Variants in ZSCAN2 observed in about 807,000 individuals in gnomAD.
The protein encoded by ZSCAN2 is zinc finger and SCAN domain-containing protein 2.
ZSCAN2 carries 26 observed loss-of-function variants against 47.8 expected under a neutral mutation model. The ratio of observed to expected loss-of-function variants is 0.54; its 90% CI spans 0.40 to 0.75. The LOEUF is 0.75. ZSCAN2 is among the 30% of genes least tolerant of loss of function. The pLI is 0.00. For synonymous variants in ZSCAN2, 305 were observed against 288.7 expected (o/e 1.06, Z -0.57); for missense variants, 732 against 785.4 (o/e 0.93, Z 0.81).
At position 84,603,983 on chromosome 15, in the gene ZSCAN2, T is replaced by G. The variant is rs1432288414; in HGVS notation, c.56T>G (p.Val19Gly). 6.2e-7 allele frequency: 1 copy of G among 1,613,800 alleles called. No homozygotes were observed. Among genetic ancestry groups the G allele is most frequent in the South Asian group, 1.1e-5 (1 of 91,058 alleles). The change falls in exon 2 of 3, where the codon GTG (valine) becomes GGG (glycine). Residue 19 changes from valine to glycine, a missense_variant. Transcript: ENST00000546148. ...VTTPLSSLVQVPQEEDRQEEE... is the reference protein window; with the variant it reads ...VTTPLSSLVQGPQEEDRQEEE... ...ACTCCGCTGAGCTCCTTGGTCCAGG[T>G]GCCTCAAGAGGAAGATAGACAGGAG...
At chr15:84,609,002 C>T (rs779441474) in intron 2 of ZSCAN2, among the ~76,000 whole-genome samples, 1 of 152,222 alleles carries the variant, frequency 6.6e-6, no homozygotes, top group Non-Finnish European at 1.5e-5. Flanking sequence ...TTCAAGCCTA[C>T]TCTTGTCCAA....
chr15:84,616,121 C>T (rs1895686099), intron 2 of ZSCAN2, among the ~76,000 whole-genome samples: 1 of 152,092 alleles, frequency 6.6e-6, no homozygotes, highest in Admixed American at 6.6e-5. Context: ...CCTGTAATTC[C>T]AGCTTGTCAG....
intron 2 of ZSCAN2, among the ~76,000 whole-genome samples, chr15:84,610,277 C>T (rs923313873): frequency 6.6e-6 from 1 of 152,060 alleles, no homozygotes; most frequent in Non-Finnish European, 1.5e-5. Flanking sequence ...AAAATAGGTC[C>T]CAGATGGATT....
intron 1 of ZSCAN2, among the ~76,000 whole-genome samples, chr15:84,602,737 C>G (rs901964575): frequency 1.3e-5 from 2 of 151,886 alleles, no homozygotes; most frequent in Admixed American, 6.6e-5. Context: ...TACAGGCGCC[C>G]GTCACCATGC....
intron 1 of ZSCAN2, 35 bp from the exon 2 acceptor site, chr15:84,603,785 A>G: frequency 2.0e-6 from 2 of 995,514 alleles, no homozygotes; most frequent in Non-Finnish European, 2.9e-6. Context: ...AGGACAGTCT[A>G]CCTATGGATT....
Position 84,604,264 on chromosome 15 carries a change from C to G in ZSCAN2, c.337C>G (p.His113Asp). ...PKEIQAWLQE[H>D]RPESSEEAAA... ...GGAAATTCAGGCTTGGCTGCAAGAG[C>G]ATCGGCCTGAAAGCAGTGAGGAGGC... The change falls in exon 2 of 3, where the codon CAT becomes GAT. Residue 113 changes from histidine (H) to aspartate (D), a missense_variant. His to Asp is a moderately conservative substitution (Grantham distance 81). This residue lies in a region of ZSCAN2 where 320 missense variants were observed against 287.4 expected (regional missense o/e 1.11). Transcript: ENST00000546148. The G allele has an allele frequency of 6.2e-7, 1 of 1,614,118 alleles. No homozygotes were observed. Among genetic ancestry groups the G allele is most frequent in the South Asian group, 1.1e-5 (1 of 91,076 alleles).
rs1895840639 is a variant in ZSCAN2, at chr15:84,622,623, G to T, written c.*583G>T. 1 of 717,376 alleles carries T rather than the reference G, an allele frequency of 1.4e-6. No individual in the cohort carries two copies. The highest frequency in any genetic ancestry group is 2.6e-6 in the Non-Finnish European group (1 of 385,102). The allele number at this position is 717,376 out of a possible 1,614,324, so 44.4% of individuals were successfully genotyped here. A position where few individuals can be genotyped will look rare whatever the true frequency, so the allele number is the denominator to read the frequency against. On this transcript the variant is annotated 3_prime_UTR_variant, in exon 3 of 3. Transcript: ENST00000546148. The stretch of plus-strand genomic sequence containing the variant: ...CCAGTTCTGAGTCACCCACGTGAAG[G>T]TAAAGACCCTTTCTATTTCCAGAAA...
chr15:84,618,141 A>G (rs1895736683), intron 2 of ZSCAN2, among the ~76,000 whole-genome samples: 1 of 152,174 alleles, frequency 6.6e-6, no homozygotes, highest in East Asian at 1.9e-4. Flanking sequence ...TAGGAGTTCG[A>G]GCGCGATAGC....
intron 2 of ZSCAN2, among the ~76,000 whole-genome samples, chr15:84,612,683 C>T (rs769834206): frequency 4.0e-5 from 6 of 151,750 alleles, no homozygotes; most frequent in Non-Finnish European, 5.9e-5. Flanking sequence ...TGCAGTGAGC[C>T]GAGATCATGC....
Position 84,603,896 on chromosome 15 carries a change from T to C in ZSCAN2, c.-32T>C, listed in dbSNP as rs1317864028. 6.3e-7 allele frequency: 1 copy of C among 1,590,022 alleles called. No homozygotes were observed. The highest frequency in any genetic ancestry group is 8.6e-7 in the Non-Finnish European group (1 of 1,164,828). ...GCTGGAGAAGACTGAGGTCCAAGGC[T>C]TGAAGCCTAAGTGATTGCCCCAGGA... On this transcript the variant is annotated 5_prime_UTR_variant, in exon 2 of 3. Transcript: ENST00000546148.
chr15:84,622,321 G>A lies in ZSCAN2; in HGVS notation c.*281G>A. On this transcript the variant is annotated 3_prime_UTR_variant, in exon 3 of 3. Coordinates refer to ENST00000546148, the MANE Select transcript of ZSCAN2 (RefSeq NM_181877.4). Reference sequence around the variant, plus strand: ...ATTGGCCCCCTCTCATGATTCCTCTGTGCCTCAGTTTCCTCTTTGGTAAAA... The same window carrying A: ...ATTGGCCCCCTCTCATGATTCCTCTATGCCTCAGTTTCCTCTTTGGTAAAA... 1.7e-6 allele frequency: 1 copy of A among 575,736 alleles called. No homozygotes were observed. Among genetic ancestry groups the A allele is most frequent in the South Asian group, 2.3e-5 (1 of 43,074 alleles). The allele number at this position is 575,736 out of a possible 1,614,324, so 35.7% of individuals were successfully genotyped here. A position where few individuals can be genotyped will look rare whatever the true frequency, so the allele number is the denominator to read the frequency against.
intron 2 of ZSCAN2, among the ~76,000 whole-genome samples, chr15:84,615,168 C>G (rs1350703743): frequency 6.6e-6 from 1 of 152,134 alleles, no homozygotes; most frequent in Non-Finnish European, 1.5e-5. Context: ...ATTGGCCAGG[C>G]TGATCGTGAA....
intron 1 of ZSCAN2, among the ~76,000 whole-genome samples, chr15:84,603,314 C>A (rs1394157948): frequency 6.6e-6 from 1 of 151,570 alleles, no homozygotes; most frequent in Admixed American, 6.6e-5. Flanking sequence ...ATTTCTGATA[C>A]TCATTCTTTG....
chr15:84,622,602 TTC>T lies in ZSCAN2; in HGVS notation c.*564_*565del, dbSNP rs1034553811. 1 of 717,322 alleles carries T rather than the reference TTC, an allele frequency of 1.4e-6. No homozygotes were observed. The highest frequency in any genetic ancestry group is 1.7e-5 in the African/African-American group (1 of 57,250). The allele number at this position is 717,322 out of a possible 1,614,324, so 44.4% of individuals were successfully genotyped here. On this transcript the variant is annotated 3_prime_UTR_variant, in exon 3 of 3. Coordinates refer to ENST00000546148, the MANE Select transcript of ZSCAN2 (RefSeq NM_181877.4). ...GGTCAAGATGGAGGGGCTTCTCCAG[TTC>T]TGAGTCACCCACGTGAAGGTAAAGA...
intron 2 of ZSCAN2, chr15:84,614,328 T>G (rs1356681884): frequency 6.6e-6 from 1 of 152,160 alleles, no homozygotes; most frequent in Admixed American, 6.5e-5. Context: ...GCTGCATGCT[T>G]TACCAGTTTT....
At chr15:84,606,399 A>G (rs1244312276) in intron 2 of ZSCAN2, 22 of 729,812 alleles carry the variant, frequency 3.0e-5, no homozygotes, top group Non-Finnish European at 4.8e-5. Context: ...TCAAACCCAG[A>G]CCTGTCTCTT....
Position 84,622,114 on chromosome 15 carries a change from C to T in ZSCAN2, c.*74C>T. ...CACTGCCCCAACAGTGATTCCCTTT[C>T]AAAGAGCTGTGCTTCCTAAACATTC... On this transcript the variant is annotated 3_prime_UTR_variant, in exon 3 of 3. Coordinates refer to ENST00000546148, the MANE Select transcript of ZSCAN2 (RefSeq NM_181877.4). The T allele has an allele frequency of 7.7e-7, 1 of 1,299,640 alleles. No individual in the cohort carries two copies. Among genetic ancestry groups the T allele is most frequent in the African/African-American group, 1.5e-5 (1 of 67,620 alleles). 80.5% of individuals were successfully genotyped at this position (1,299,640 alleles called of 1,614,324 possible).
At position 84,621,507 on chromosome 15, in the gene ZSCAN2, A is replaced by T; in HGVS notation, c.1312A>T (p.Arg438Ter). ...SRSSNLATHR[R>*]THMVEKPYKC... Reference sequence around the variant, plus strand: ...CAGCTCTAACCTGGCCACACACCGGAGAACCCACATGGTGGAGAAGCCCTA... The same window carrying T: ...CAGCTCTAACCTGGCCACACACCGGTGAACCCACATGGTGGAGAAGCCCTA... The change falls in exon 3 of 3, where the codon AGA becomes TGA. Residue 438 changes from arginine (R) to a stop codon, truncating the protein, a stop_gained. Transcript: ENST00000546148. LOFTEE classifies it high-confidence loss of function. This position sits in a 1 kb window ranked among gnomAD's most constrained non-coding sequence, Gnocchi z 5.7. 2 of 1,613,340 alleles carry T rather than the reference A, an allele frequency of 1.2e-6. No individual in the cohort carries two copies. Among genetic ancestry groups the T allele is most frequent in the Non-Finnish European group, 1.7e-6 (2 of 1,179,876 alleles).
chr15:84,620,576 TTGTA>T (rs765749365), intron 2 of ZSCAN2, 22 bp from the exon 3 acceptor site: 149 of 1,560,804 alleles, frequency 9.5e-5, no homozygotes, highest in Non-Finnish European at 1.3e-4. Flanking sequence ...TGAGTAGACA[TTGTA>T]TGTTTTTCTT....
Sources: gnomAD v4.1 joint callset for allele counts (sites outside exome capture counted in the v4.1 genomes callset) on GRCh38, gnomAD v4.1.1 for gene constraint, gnomAD v4.1.1 regional missense constraint, Gnocchi (gnomAD v3.1) non-coding constraint, MANE v1.5 for transcripts, NCBI Gene and HGNC (gene_info 2026-07-23, HGNC 2026-07-21) for gene names.